The following RAB26 variants were observed in gnomAD, a reference collection of about 807,000 sequenced individuals.
The protein encoded by RAB26 is RAB26, member RAS oncogene family.
In RAB26, 39 loss-of-function variants were observed where a neutral mutation model predicts 33.1. The observed-to-expected ratio is 1.18, with a 90% CI of 0.91 to 1.54. RAB26 has a LOEUF of 1.54. Among genes scored for constraint, RAB26 ranks in the 40% most tolerant of loss-of-function variants. RAB26 has a pLI of 0.00. For synonymous variants in RAB26, 192 were observed against 151.9 expected, an observed-to-expected ratio of 1.26 and a Z score of -1.94; for missense variants, 468 against 362.9, an observed-to-expected ratio of 1.29 and a Z score of -2.35.
chr16:2,151,829 G>C, intron 4 of RAB26, 27 bp from the exon 5 acceptor site: 1 of 1,614,022 alleles, frequency 6.2e-7, no homozygotes, highest in East Asian at 2.2e-5. Flanking sequence ...GGTGATGGTG[G>C]ATGTCCTCAC....
Position 2,151,693 on chromosome 16 carries a change from A to G in RAB26, c.349-2A>G. On this transcript the variant is annotated splice_acceptor_variant, in intron 3 of 8. Transcript: ENST00000210187. LOFTEE classifies it high-confidence loss of function. ...CAGCCTGACCAGTGCCTGTCGCTGC[A>G]GATGTGGGACACAGCTGGTCAGGAG... 1.2e-6 allele frequency: 2 copies of G among 1,614,004 alleles called. No homozygotes were observed. Among genetic ancestry groups the G allele is most frequent in the Non-Finnish European group, 1.7e-6 (2 of 1,180,002 alleles).
At chr16:2,150,409 C>G (rs1362757852) in intron 2 of RAB26, among the ~76,000 whole-genome samples, 2 of 152,166 alleles carry the variant, frequency 1.3e-5, no homozygotes, top group South Asian at 2.1e-4. Flanking sequence ...AGAGCCTGAG[C>G]GAGGGTTTCC....
At chr16:2,152,695 A>T in intron 5 of RAB26, 125 bp from the exon 6 acceptor site, 1 of 290,190 alleles carries the variant, frequency 3.4e-6, no homozygotes, top group Non-Finnish European at 5.4e-6. Flanking sequence ...TCTTGTCTCA[A>T]AAAAAAAAAA....
In RAB26 at chr16:2,148,867, G is replaced by A. The variant is rs1367016811; in HGVS notation, c.84G>A (p.Pro28=). 10 of 1,401,602 alleles carry A rather than the reference G, an allele frequency of 7.1e-6. No individual in the cohort carries two copies. The East Asian group carries it at 9.1e-5, about 13-fold the overall frequency. The allele number at this position is 1,401,602 out of a possible 1,614,324, so 86.8% of individuals were successfully genotyped here. Residue 28 remains proline (P), a synonymous_variant, in exon 1 of 9, where the codon CCG becomes CCA. Transcript: ENST00000210187. ...STLPTANGAR[P]ARSGTALSGP... is the part of the protein sequence containing the mutation. ...TGCCCACCGCCAACGGGGCCCGACC[G>A]GCGCGCTCCGGGACTGCGCTTTCCG...
chr16:2,151,062 C>G, intron 2 of RAB26: 3 of 364,382 alleles, frequency 8.2e-6, no homozygotes, highest in South Asian at 2.0e-5. Flanking sequence ...TGCCTTGGGT[C>G]AGACAGGCCC....
In RAB26 at chr16:2,152,973, C is replaced by G; in HGVS notation, c.535-16C>G. 6.3e-7 allele frequency: 1 copy of G among 1,584,134 alleles called. No homozygotes were observed. The highest frequency in any genetic ancestry group is 8.6e-7 in the Non-Finnish European group (1 of 1,161,272). ...ACCATGGGCCAGCTTTCACCAAGAC[C>G]CTGTGCCTGGGCCAGGTGGACTCTG... On this transcript the variant is annotated splice_polypyrimidine_tract_variant and intron_variant, in intron 6 of 8. Coordinates refer to ENST00000210187, the MANE Select transcript of RAB26 (RefSeq NM_014353.5).
Position 2,151,578 on chromosome 16 carries a change from C to A in RAB26, c.316C>A (p.Leu106Met). The A allele has an allele frequency of 6.2e-7, 1 of 1,613,908 alleles. No homozygotes were observed. The highest frequency in any genetic ancestry group is 1.1e-5 in the South Asian group (1 of 91,080). Residue 106 changes from leucine to methionine, a missense_variant, in exon 3 of 9, where the codon CTG becomes ATG. Coordinates refer to ENST00000210187, the MANE Select transcript of RAB26 (RefSeq NM_014353.5). ...GTTCTGTCTGTTTCAGAACAAAGTT[C>A]TGGACGTGGATGGTGTGAAGGTGAA... ...TVGIDFRNKV[L>M]DVDGVKVKLQ... is the part of the protein sequence containing the mutation.
intron 5 of RAB26, among the ~76,000 whole-genome samples, chr16:2,152,398 A>G (rs1010512276): frequency 3.9e-5 from 6 of 152,228 alleles, no homozygotes; most frequent in Admixed American, 1.3e-4. Context: ...TGGGCTGGGC[A>G]TGGTGGCTCA....
intron 1 of RAB26, 110 bp downstream of exon 1, chr16:2,149,088 C>T (rs1354614866): frequency 8.8e-7 from 1 of 1,133,040 alleles, no homozygotes; most frequent in Non-Finnish European, 1.1e-6. Flanking sequence ...GGGCGCGGAG[C>T]CGACGCGGGA....
rs775122806 is a variant in RAB26, at chr16:2,149,921, A to G, written c.196-20A>G. 6.6e-7 allele frequency: 1 copy of G among 1,507,388 alleles called. No individual in the cohort carries two copies. Among genetic ancestry groups the G allele is most frequent in the South Asian group, 1.3e-5 (1 of 78,166 alleles). 93.4% of individuals were successfully genotyped at this position (1,507,388 alleles called of 1,614,324 possible). On this transcript the variant is annotated intron_variant, in intron 1 of 8. Transcript: ENST00000210187. ...GCTCAGGGCAGACCAGACTCCCCCCAACCCTCCTGCTTGTCCTAGGTCATG... is the reference window on the plus strand; with the variant it reads ...GCTCAGGGCAGACCAGACTCCCCCCGACCCTCCTGCTTGTCCTAGGTCATG...
intron 1 of RAB26, 117 bp from the exon 2 acceptor site, chr16:2,149,824 G>A (rs924854983): frequency 5.6e-6 from 4 of 717,740 alleles, no homozygotes; most frequent in Non-Finnish European, 8.7e-6. Flanking sequence ...CCCTGGCCCC[G>A]CTGAGCCTGC....
chr16:2,148,177 G>A (rs1335449082), upstream of RAB26: 1 of 152,442 alleles, frequency 6.6e-6, no homozygotes, highest in African/African-American at 2.4e-5. Context: ...GAGCTTCCTG[G>A]ACCCGCCTAC....
intron 1 of RAB26, 77 bp downstream of exon 1, chr16:2,149,055 G>C (rs980360299): frequency 1.6e-6 from 2 of 1,235,812 alleles, no homozygotes; most frequent in Admixed American, 4.2e-5. Context: ...GGTCGGACAG[G>C]GGGTGCAGGG....
At chr16:2,150,647 G>A (rs1474738063) in intron 2 of RAB26, among the ~76,000 whole-genome samples, 1 of 44,446 alleles carries the variant, frequency 2.2e-5, no homozygotes, top group Non-Finnish European at 8.3e-5. Context: ...GTCCCCTCAA[G>A]TCCTCTGGGA....
In RAB26 at chr16:2,148,685, G is replaced by GCC. The variant is rs1596655502; in HGVS notation, c.-99_-98insCC. 2.2e-6 allele frequency: 2 copies of GCC among 921,224 alleles called. No individual in the cohort carries two copies. The highest frequency in any genetic ancestry group is 2.7e-6 in the Non-Finnish European group (2 of 729,274). The allele number at this position is 921,224 out of a possible 1,614,324, so 57.1% of individuals were successfully genotyped here. On this transcript the variant is annotated 5_prime_UTR_variant, in exon 1 of 9. The change abolishes the stop of an existing upstream ORF in the 5' untranslated region. Coordinates refer to ENST00000210187, the MANE Select transcript of RAB26 (RefSeq NM_014353.5). Reference sequence around the variant, plus strand: ...CCGCCGCCGCCGCCGCCGCCGCCAGGGGAAGGGTTCGGGTCCGGGTCGGGC... The same window carrying GCC: ...CCGCCGCCGCCGCCGCCGCCGCCAGGCCGGAAGGGTTCGGGTCCGGGTCGGGC...
chr16:2,153,670 G>A lies in RAB26; in HGVS notation c.*249G>A. On this transcript the variant is annotated 3_prime_UTR_variant, in exon 9 of 9. Transcript: ENST00000210187. ...TTCTGCACGGGACGGGGAGCGGCAA[G>A]TGGACAGACTTTGCCACGGTGCTCT... 1.5e-6 allele frequency: 1 copy of A among 649,236 alleles called. No individual in the cohort carries two copies. The highest frequency in any genetic ancestry group is 1.5e-5 in the South Asian group (1 of 66,114). 40.2% of individuals were successfully genotyped at this position (649,236 alleles called of 1,614,324 possible).
At chr16:2,152,716 A>AAAT in intron 5 of RAB26, 104 bp from the exon 6 acceptor site, 1 of 748,116 alleles carries the variant, frequency 1.3e-6, no homozygotes, top group Non-Finnish European at 2.0e-6. Flanking sequence ...AAAAAAAAAA[A>AAAT]GATAAAGACA....
At chr16:2,150,993 C>T (rs1163234365) in intron 2 of RAB26, 3 of 330,830 alleles carry the variant, frequency 9.1e-6, no homozygotes, top group South Asian at 4.5e-5. Flanking sequence ...TACGTCTAAT[C>T]GTTAACTGGG....
In RAB26 at chr16:2,148,849, C is replaced by G; in HGVS notation, c.66C>G (p.Thr22=). 2 of 1,414,118 alleles carry G rather than the reference C, an allele frequency of 1.4e-6. No homozygotes were observed. The highest frequency in any genetic ancestry group is 1.8e-6 in the Non-Finnish European group (2 of 1,082,722). The allele number at this position is 1,414,118 out of a possible 1,614,324, so 87.6% of individuals were successfully genotyped here. The change falls in exon 1 of 9, where the codon ACC becomes ACG. Residue 22 remains threonine (T), a synonymous_variant. Transcript: ENST00000210187. ...CCCCCGCTGCCTCCACGCTGCCCAC[C>G]GCCAACGGGGCCCGACCGGCGCGCT... ...ASTPAASTLP[T]ANGARPARSG...
Sources: allele counts gnomAD v4.1 joint callset (sites outside exome capture counted in the v4.1 genomes callset), GRCh38; gene constraint gnomAD v4.1.1; transcripts MANE v1.5; gene names NCBI Gene and HGNC (gene_info 2026-07-23, HGNC 2026-07-21).